The following NTN1 variants were observed in gnomAD, a reference collection of about 807,000 sequenced individuals.
NTN1 encodes the protein netrin-1.
A neutral mutation model predicts 54.2 loss-of-function variants in NTN1; 11 were observed. The observed-to-expected ratio is 0.20, with a 90% CI of 0.13 to 0.34. NTN1 has a LOEUF of 0.34. NTN1 is among the 10% of genes least tolerant of loss of function. The pLI, the probability that NTN1 is intolerant of heterozygous loss-of-function variation, is 1.00. For missense variants in NTN1, 740 were observed against 893.1 expected (o/e 0.83, Z 2.18); for synonymous variants, 371 against 382.0 (o/e 0.97, Z 0.33).
chr17:9,129,982 G>A (rs1461155652), intron 2 of NTN1, among the ~76,000 whole-genome samples: 2 of 152,206 alleles, frequency 1.3e-5, no homozygotes, highest in African/African-American at 4.8e-5. Flanking sequence ...TCTGGAGGAA[G>A]GGGCCTTATC....
intron 2 of NTN1, among the ~76,000 whole-genome samples, chr17:9,106,906 C>A (rs572085592): frequency 3.5e-4 from 54 of 152,274 alleles, no homozygotes; most frequent in African/African-American, 1.2e-3. Context: ...TTTGCACTTA[C>A]TGGGATCCAT....
intron 6 of NTN1, among the ~76,000 whole-genome samples, chr17:9,230,641 G>C (rs1285903733): frequency 6.6e-6 from 1 of 151,766 alleles, no homozygotes; most frequent in South Asian, 2.1e-4. Context: ...TGGGGGCAGG[G>C]TGCTGTGATG....
chr17:9,003,360 C>A, the NTN1 span, among the ~76,000 whole-genome samples: 6 of 151,888 alleles, frequency 4.0e-5, no homozygotes, highest in East Asian at 1.9e-4. This position sits in a 1 kb window ranked among gnomAD's most constrained non-coding sequence, Gnocchi z 7.4. Flanking sequence ...CCGGGCGGTG[C>A]GTGGAAAAGT....
chr17:9,182,159 T>C (rs1486889629), intron 4 of NTN1, among the ~76,000 whole-genome samples: 1 of 152,120 alleles, frequency 6.6e-6, no homozygotes, highest in Admixed American at 6.5e-5. Flanking sequence ...TTTTATTTCT[T>C]GTAGAGGCAA....
chr17:9,183,066 C>T (rs1279092449), intron 5 of NTN1, 97 bp downstream of exon 5: 2 of 1,243,180 alleles, frequency 1.6e-6, no homozygotes, highest in Non-Finnish European at 2.4e-6. Context: ...GCCCAGACTC[C>T]TCTAACCACT....
chr17:9,079,724 T>C (rs1484424778), intron 2 of NTN1, among the ~76,000 whole-genome samples: 1 of 150,560 alleles, frequency 6.6e-6, no homozygotes, highest in Non-Finnish European at 1.5e-5. Flanking sequence ...CGGGCCTGTT[T>C]CCTGGCCCTG....
intron 2 of NTN1, among the ~76,000 whole-genome samples, chr17:9,088,623 G>A (rs2092097814): frequency 6.6e-6 from 1 of 152,156 alleles, no homozygotes; most frequent in Non-Finnish European, 1.5e-5. Context: ...TGAGACCCCA[G>A]GGCAGACCCG....
At chr17:9,110,814 C>T (rs1441029443) in intron 2 of NTN1, among the ~76,000 whole-genome samples, 3 of 152,054 alleles carry the variant, frequency 2.0e-5, no homozygotes, top group Admixed American at 6.6e-5. Flanking sequence ...TACTTGTAGC[C>T]GCATCATTCC....
intron 2 of NTN1, among the ~76,000 whole-genome samples, chr17:9,136,166 C>T (rs1013693420): frequency 6.6e-6 from 1 of 152,218 alleles, no homozygotes; most frequent in Non-Finnish European, 1.5e-5. Flanking sequence ...CTAGGGGCAG[C>T]AGAGCAAATG....
At chr17:9,040,804 T>TG (rs1304188074) in intron 2 of NTN1, among the ~76,000 whole-genome samples, 4 of 152,052 alleles carry the variant, frequency 2.6e-5, no homozygotes, top group Non-Finnish European at 4.4e-5. Context: ...TTACTTTTTT[T>TG]TTTGTTTGTT....
At position 9,240,015 on chromosome 17, in the gene NTN1, G is replaced by A. The variant is rs960773784; in HGVS notation, c.*47G>A. On this transcript the variant is annotated 3_prime_UTR_variant, in exon 7 of 7. Coordinates refer to ENST00000173229, the MANE Select transcript of NTN1 (RefSeq NM_004822.3). ...GGCGGGCGGGCGCCAGGGCGGGGCC[G>A]AGCGAGAGCGGGCGCCTTGGCCCGG... 5 of 1,239,990 alleles carry A rather than the reference G, an allele frequency of 4.0e-6. No individual in the cohort carries two copies. The highest frequency in any genetic ancestry group is 5.1e-6 in the Non-Finnish European group (5 of 983,166). The allele number at this position is 1,239,990 out of a possible 1,614,324, so 76.8% of individuals were successfully genotyped here.
chr17:9,136,449 C>T lies in NTN1; in HGVS notation c.1019-26364C>T, dbSNP rs193277538. ...AAAATTAGCCAGGCATAGTGGCATG[C>T]GCCTGTAATCCTAGCTACTCAGGAG... On this transcript the variant is annotated intron_variant, in intron 2 of 6. Transcript: ENST00000173229. Among the ~76,000 whole-genome samples the T allele has an allele frequency of 4.6e-5, 7 of 152,150 alleles. No individual in the cohort carries two copies. In the East Asian group the frequency reaches 5.8e-4, roughly 13 times the overall value.
chr17:9,150,982 C>T (rs1480123033), intron 2 of NTN1, among the ~76,000 whole-genome samples: 2 of 152,132 alleles, frequency 1.3e-5, no homozygotes. Context: ...TGATCCCAAA[C>T]CCCACGAAAT....
intron 6 of NTN1, among the ~76,000 whole-genome samples, chr17:9,237,750 C>T (rs1906038320): frequency 6.6e-6 from 1 of 152,088 alleles, no homozygotes; most frequent in Admixed American, 6.5e-5. Flanking sequence ...GGGGGTGGCT[C>T]CCCCATTGCT....
At chr17:9,074,689 G>A (rs1202112856) in intron 2 of NTN1, among the ~76,000 whole-genome samples, 5 of 152,096 alleles carry the variant, frequency 3.3e-5, no homozygotes, top group Admixed American at 2.0e-4. Flanking sequence ...GTTACTTTAC[G>A]GCCTCAGTTT....
At chr17:9,143,898 C>CTT (rs34801624) in intron 2 of NTN1, among the ~76,000 whole-genome samples, 1,833 of 140,698 alleles carry the variant, frequency 0.013, 43 homozygotes, top group African/African-American at 0.044. Context: ...CCTTTACCTG[C>CTT]TTTTTTTTTT....
At chr17:9,085,360 G>T (rs867319958) in intron 2 of NTN1, among the ~76,000 whole-genome samples, 2 of 152,184 alleles carry the variant, frequency 1.3e-5, no homozygotes, top group Admixed American at 6.5e-5. Context: ...GAAGGGGAGG[G>T]AGAGCAATTT....
chr17:9,120,342 C>A (rs1471316842), intron 2 of NTN1, among the ~76,000 whole-genome samples: 1 of 151,188 alleles, frequency 6.6e-6, no homozygotes, highest in African/African-American at 2.4e-5. Flanking sequence ...AAATGCTGTG[C>A]AACTTACTAT....
At chr17:9,226,161 T>TGGGGGGGGGGGGGGGG (rs148213778) in intron 6 of NTN1, among the ~76,000 whole-genome samples, 1 of 118,122 alleles carries the variant, frequency 8.5e-6, no homozygotes, top group South Asian at 3.3e-4. Flanking sequence ...GGATTTGGGG[T>TGGGGGGGGGGGGGGGG]CGGGGGGGGG....
Sources: allele counts gnomAD v4.1 joint callset (sites outside exome capture counted in the v4.1 genomes callset), GRCh38; gene constraint gnomAD v4.1.1; non-coding constraint Gnocchi (gnomAD v3.1); transcripts MANE v1.5; gene names NCBI Gene and HGNC (gene_info 2026-07-23, HGNC 2026-07-21).